Variants in EXD2 observed in about 807,000 individuals in gnomAD.
EXD2 encodes exonuclease 3'-5' domain-containing protein 2.
In EXD2, 40 loss-of-function variants were observed where a neutral mutation model predicts 62.5. The observed-to-expected ratio is 0.64, with a 90% CI of 0.50 to 0.83. The LOEUF (loss-of-function observed/expected upper bound fraction) is 0.83, where lower values mean the gene tolerates loss of function less well. Ranked by LOEUF, EXD2 falls within the 40% of genes least tolerant of loss-of-function variation. EXD2 has a pLI of 0.00. For missense variants in EXD2, 671 were observed against 761.8 expected (o/e 0.88, Z 1.40); for synonymous variants, 239 against 291.9 (o/e 0.82, Z 1.85).
intron 1 of EXD2, among the ~76,000 whole-genome samples, chr14:69,201,678 T>TG (rs2042407253): frequency 2.3e-5 from 3 of 131,376 alleles, no homozygotes; most frequent in African/African-American, 8.9e-5. Context: ...CTCTGTTTTT[T>TG]TTTTTTTTTT....
intron 5 of EXD2, 135 bp downstream of exon 5, chr14:69,230,733 A>G (rs1314189487): frequency 2.1e-6 from 2 of 963,950 alleles, no homozygotes; most frequent in Non-Finnish European, 3.0e-6. Flanking sequence ...CTCTGGTGAT[A>G]CTCCAGCTAA....
At position 69,237,632 on chromosome 14, in the gene EXD2, C is replaced by T. The variant is rs1262167021; in HGVS notation, c.1350C>T (p.His450=). ...RKHFPIEMKD[H]NSHDVLLLCT... is the part of the protein sequence containing the mutation. ...ACTTCCCCATCGAGATGAAGGACCA[C>T]AACTCCCACGATGTGCTGCTGCTCT... Residue 450 remains histidine (H), a synonymous_variant, in exon 9 of 10, where the codon CAC becomes CAT. Coordinates refer to ENST00000685843, the MANE Select transcript of EXD2 (RefSeq NM_001193360.2). The T allele has an allele frequency of 1.2e-6, 2 of 1,614,096 alleles. No homozygotes were observed. Among genetic ancestry groups the T allele is most frequent in the Non-Finnish European group, 1.7e-6 (2 of 1,180,052 alleles).
intron 9 of EXD2, among the ~76,000 whole-genome samples, chr14:69,240,631 AC>A (rs1287374613): frequency 9.9e-5 from 15 of 152,216 alleles, no homozygotes; most frequent in Admixed American, 7.9e-4. Context: ...TGGGAGCTGA[AC>A]ATTATGAAGT....
At chr14:69,222,716 A>G (rs2043228435) in intron 3 of EXD2, among the ~76,000 whole-genome samples, 1 of 152,046 alleles carries the variant, frequency 6.6e-6, no homozygotes, top group African/African-American at 2.4e-5. Context: ...TTTTTAATAC[A>G]TAGGAATGTT....
At position 69,234,895 on chromosome 14, in the gene EXD2, A is replaced by G; in HGVS notation, c.913A>G (p.Asn305Asp). Residue 305 changes from asparagine to aspartate, a missense_variant, in exon 6 of 10, where the codon AAT (asparagine) becomes GAT (aspartate). Coordinates refer to ENST00000685843, the MANE Select transcript of EXD2 (RefSeq NM_001193360.2). ...KGMSRLGEEV[N>D]GEATESQQKP... ...AATGAGCAGATTGGGAGAAGAGGTTAATGGGGAAGCAACAGAATCTCAGCA... is the reference window on the plus strand; with the variant it reads ...AATGAGCAGATTGGGAGAAGAGGTTGATGGGGAAGCAACAGAATCTCAGCA... The G allele has an allele frequency of 6.2e-7, 1 of 1,614,212 alleles. No homozygotes were observed. The highest frequency in any genetic ancestry group is 8.5e-7 in the Non-Finnish European group (1 of 1,180,042).
chr14:69,235,300 T>C (rs2043738666), intron 6 of EXD2, among the ~76,000 whole-genome samples: 1 of 152,260 alleles, frequency 6.6e-6, no homozygotes, highest in Non-Finnish European at 1.5e-5. Context: ...TCATTGACCC[T>C]GATGTGACCT....
At chr14:69,220,868 T>C (rs1219536650) in intron 3 of EXD2, among the ~76,000 whole-genome samples, 1 of 152,068 alleles carries the variant, frequency 6.6e-6, no homozygotes, top group Non-Finnish European at 1.5e-5. Context: ...AAACTCTTTC[T>C]AAGTCAATCA....
At chr14:69,213,537 A>ATT (rs746653694) in intron 3 of EXD2, among the ~76,000 whole-genome samples, 69 of 76,502 alleles carry the variant, frequency 9.0e-4, no homozygotes, top group Non-Finnish European at 1.2e-3. Context: ...CACCTGGATA[A>ATT]TTTTTTTTTT....
chr14:69,209,527 A>AG lies in EXD2; in HGVS notation c.63dup (p.Phe22ValfsTer14). ...TGACTACCCTTCTGGGTGTGGCTGT[A>AG]GGGGGGTTTGTCCTCTGGAAAGGCA... is the stretch of plus-strand genomic sequence containing the variant. On this transcript the variant is annotated frameshift_variant, in exon 3 of 10. Transcript: ENST00000685843. LOFTEE classifies it high-confidence loss of function. The AG allele has an allele frequency of 6.4e-7, 1 of 1,550,416 alleles. No homozygotes were observed. The highest frequency in any genetic ancestry group is 8.7e-7 in the Non-Finnish European group (1 of 1,146,896).
rs946394914 is a variant in EXD2, at chr14:69,242,290, A to G, written c.*1190A>G. On this transcript the variant is annotated 3_prime_UTR_variant, in exon 10 of 10. Transcript: ENST00000685843. The stretch of plus-strand genomic sequence containing the variant: ...ATGACCAGAATCCAACAAGAGCTCT[A>G]TTTTGGAATTGTGCCCAAGTTGGTG... 39 of 355,992 alleles carry G rather than the reference A, an allele frequency of 1.1e-4. No homozygotes were observed. Among genetic ancestry groups the G allele is most frequent in the Non-Finnish European group, 1.5e-4 (30 of 200,870 alleles). 22.1% of individuals were successfully genotyped at this position (355,992 alleles called of 1,614,324 possible).
intron 1 of EXD2, among the ~76,000 whole-genome samples, chr14:69,200,599 C>T (rs2042363467): frequency 6.6e-6 from 1 of 151,810 alleles, no homozygotes; most frequent in Admixed American, 6.6e-5. Flanking sequence ...GTCCCAGCTA[C>T]TTGGGAGGCT....
intron 5 of EXD2, among the ~76,000 whole-genome samples, chr14:69,232,261 G>C (rs948039107): frequency 5.3e-5 from 8 of 152,158 alleles, no homozygotes; most frequent in African/African-American, 1.7e-4. Flanking sequence ...GGAGATCAGG[G>C]TGTAAGTGTT....
At chr14:69,208,432 G>C (rs546707562) in intron 2 of EXD2, among the ~76,000 whole-genome samples, 1 of 151,216 alleles carries the variant, frequency 6.6e-6, no homozygotes, top group Admixed American at 6.6e-5. Context: ...GGATGGTCTC[G>C]ATCTCCTGAC....
intron 2 of EXD2, among the ~76,000 whole-genome samples, chr14:69,205,878 G>C (rs1320693683): frequency 6.6e-6 from 1 of 151,966 alleles, no homozygotes; most frequent in Non-Finnish European, 1.5e-5. Context: ...TTGAGCCATA[G>C]AGAAGTGTAG....
chr14:69,198,507 T>C (rs2042283907), intron 1 of EXD2, among the ~76,000 whole-genome samples: 1 of 152,218 alleles, frequency 6.6e-6, no homozygotes, highest in African/African-American at 2.4e-5. Flanking sequence ...TGCTCTCCAG[T>C]GTCCTGTAGG....
chr14:69,221,994 A>G (rs922340360), intron 3 of EXD2, among the ~76,000 whole-genome samples: 8 of 149,496 alleles, frequency 5.4e-5, no homozygotes, highest in Non-Finnish European at 1.2e-4. Context: ...AGGCTGAGGC[A>G]GGAGAATCGC....
chr14:69,207,628 C>T (rs2042650484), intron 2 of EXD2, among the ~76,000 whole-genome samples: 1 of 152,158 alleles, frequency 6.6e-6, no homozygotes, highest in Non-Finnish European at 1.5e-5. Flanking sequence ...GGCAATTTAG[C>T]TTTTAGGCCA....
intron 4 of EXD2, 137 bp from the exon 5 acceptor site, chr14:69,230,335 C>T: frequency 1.7e-6 from 1 of 594,046 alleles, no homozygotes; most frequent in Non-Finnish European, 2.9e-6. Flanking sequence ...AAATAGATAA[C>T]AAATTATCAT....
In EXD2 at chr14:69,241,289, G is replaced by T. The variant is rs923054848; in HGVS notation, c.*189G>T. The T allele has an allele frequency of 1.3e-5, 7 of 559,816 alleles. No individual in the cohort carries two copies. Among genetic ancestry groups the T allele is most frequent in the Non-Finnish European group, 2.2e-5 (7 of 322,610 alleles). The allele number at this position is 559,816 out of a possible 1,614,324, so 34.7% of individuals were successfully genotyped here. A position where few individuals can be genotyped will look rare whatever the true frequency, so the allele number is the denominator to read the frequency against. On this transcript the variant is annotated 3_prime_UTR_variant, in exon 10 of 10. Transcript: ENST00000685843. ...GTTTGAAGGAGAGTTTATGGTTTTG[G>T]ATTTTAAACGGGCAGGGTCTTTTTT...
Sources: allele counts gnomAD v4.1 joint callset (sites outside exome capture counted in the v4.1 genomes callset), GRCh38; gene constraint gnomAD v4.1.1; transcripts MANE v1.5; gene names NCBI Gene and HGNC (gene_info 2026-07-23, HGNC 2026-07-21).